The following ACTN4 variants were observed in gnomAD, a reference collection of about 807,000 sequenced individuals.
ACTN4 encodes alpha-actinin-4.
Under a neutral mutation model 114.2 loss-of-function variants are expected in ACTN4, and 18 were observed. The observed-to-expected ratio is 0.16, with a 90% CI of 0.11 to 0.23. The LOEUF (loss-of-function observed/expected upper bound fraction) is 0.23, where lower values mean the gene tolerates loss of function less well. Among genes scored for constraint, ACTN4 ranks in the 10% least tolerant of loss-of-function variants. The probability of loss-of-function intolerance (pLI) is 1.00; values close to 1 mark genes in which losing one functional copy is unlikely to be tolerated. For missense variants in ACTN4, 722 were observed against 1,262.9 expected, an observed-to-expected ratio of 0.57 and a Z score of 6.49; for synonymous variants, 515 against 506.3, an observed-to-expected ratio of 1.02 and a Z score of -0.23.
chr19:38,672,238 C>CTTTTT (rs35567918), intron 1 of ACTN4, among the ~76,000 whole-genome samples: 11 of 113,734 alleles, frequency 9.7e-5, no homozygotes, highest in Admixed American at 3.1e-4. Context: ...ACATGTGGTT[C>CTTTTT]TTTTTTTTTT....
intron 1 of ACTN4, among the ~76,000 whole-genome samples, chr19:38,674,420 G>A (rs906921778): frequency 2.6e-5 from 4 of 152,090 alleles, no homozygotes; most frequent in African/African-American, 9.7e-5. Flanking sequence ...TATTTATTGC[G>A]TGCTAGTCAC....
chr19:38,730,666 T>G lies in ACTN4; in HGVS notation c.*1234T>G. ...TCATCTGCTCGAGAAGGGCTGTCGC[T>G]GTTCTTGTTTCTGAGTGAGGAGTAC... On this transcript the variant is annotated 3_prime_UTR_variant, in exon 21 of 21. Coordinates refer to ENST00000252699, the MANE Select transcript of ACTN4 (RefSeq NM_004924.6). 1 of 667,958 alleles carries G rather than the reference T, an allele frequency of 1.5e-6. No individual in the cohort carries two copies. 41.4% of individuals were successfully genotyped at this position (667,958 alleles called of 1,614,324 possible). A position where few individuals can be genotyped will look rare whatever the true frequency, so the allele number is the denominator to read the frequency against.
chr19:38,689,787 C>T (rs1380652900), intron 1 of ACTN4, among the ~76,000 whole-genome samples: 7 of 152,190 alleles, frequency 4.6e-5, no homozygotes, highest in Non-Finnish European at 8.8e-5. Context: ...GATTCTCCTG[C>T]CTCAGTCTCC....
chr19:38,709,933 C>T (rs1254893155), intron 7 of ACTN4, among the ~76,000 whole-genome samples: 3 of 152,202 alleles, frequency 2.0e-5, no homozygotes, highest in Non-Finnish European at 4.4e-5. Flanking sequence ...TGCACTGCCC[C>T]ATTTCCTAGC....
Position 38,727,538 on chromosome 19 carries a change from A to G in ACTN4, c.2338-408A>G, listed in dbSNP as rs1969278307. On this transcript the variant is annotated intron_variant, in intron 18 of 20. Transcript: ENST00000252699. The surrounding 1 kb of genome is among the most constrained non-coding windows in gnomAD (Gnocchi z 5.4). ...CCACCCCTGCCGGGCTGACGGACTG[A>G]GAAGTGTGCAGCCTCAGCTCTGCAC... 6.6e-6 allele frequency among the ~76,000 whole-genome samples: 1 copy of G among 151,614 alleles called. No individual in the cohort carries two copies. The highest frequency in any genetic ancestry group is 2.1e-4 in the South Asian group (1 of 4,798).
intron 1 of ACTN4, among the ~76,000 whole-genome samples, chr19:38,655,096 A>C (rs1332594693): frequency 6.6e-6 from 1 of 152,114 alleles, no homozygotes; most frequent in Admixed American, 6.5e-5. Flanking sequence ...GTGATTTTCC[A>C]TAACCACTTT....
intron 1 of ACTN4, among the ~76,000 whole-genome samples, chr19:38,673,405 A>G (rs1271808070): frequency 7.0e-6 from 1 of 143,694 alleles, no homozygotes; most frequent in African/African-American, 2.6e-5. Context: ...AAAACCCAAG[A>G]CATACATAGA....
At chr19:38,713,914 T>C (rs1289901650) in intron 8 of ACTN4, among the ~76,000 whole-genome samples, 1 of 152,128 alleles carries the variant, frequency 6.6e-6, no homozygotes, top group East Asian at 1.9e-4. Context: ...ACTCTCACCC[T>C]CCAAAGCCCC....
At chr19:38,708,044 G>A in intron 5 of ACTN4, 73 bp from the exon 6 acceptor site, 1 of 1,447,000 alleles carries the variant, frequency 6.9e-7, no homozygotes, top group South Asian at 1.1e-5. Context: ...CACTGCTGTG[G>A]GTGCACAGGG....
In ACTN4 at chr19:38,717,446, G is replaced by C. The variant is rs906642821; in HGVS notation, c.1143+130G>C. ...CCTGTGGGACATGGCATGGCCTTTC[G>C]GATGCAGTGGTCGGGGAGGGGTGCA... On this transcript the variant is annotated intron_variant, in intron 10 of 20. Coordinates refer to ENST00000252699, the MANE Select transcript of ACTN4 (RefSeq NM_004924.6). The surrounding 1 kb of genome is among the most constrained non-coding windows in gnomAD (Gnocchi z 4.0). 3 of 1,267,756 alleles carry C rather than the reference G, an allele frequency of 2.4e-6. No individual in the cohort carries two copies. The Admixed American group carries it at 6.2e-5, about 26-fold the overall frequency. 78.5% of individuals were successfully genotyped at this position (1,267,756 alleles called of 1,614,324 possible). A position where few individuals can be genotyped will look rare whatever the true frequency, so the allele number is the denominator to read the frequency against.
chr19:38,660,916 G>C (rs1234305129), intron 1 of ACTN4, among the ~76,000 whole-genome samples: 1 of 152,138 alleles, frequency 6.6e-6, no homozygotes, highest in Non-Finnish European at 1.5e-5. Flanking sequence ...GTGCAGTGCA[G>C]GTACTTCAGA....
Position 38,724,430 on chromosome 19 carries a change from G to A in ACTN4, c.1876-1G>A, listed in dbSNP as rs1969162540. ...CTCCCACACCGCGTCTCCTCTGCCAGGTGCAGCAGCTGGTGCCAAAACGGG... is the reference window on the plus strand; with the variant it reads ...CTCCCACACCGCGTCTCCTCTGCCAAGTGCAGCAGCTGGTGCCAAAACGGG... On this transcript the variant is annotated splice_acceptor_variant, in intron 15 of 20. Transcript: ENST00000252699. LOFTEE classifies it high-confidence loss of function. This position sits in a 1 kb window ranked among gnomAD's most constrained non-coding sequence, Gnocchi z 7.0. 1 of 1,613,300 alleles carries A rather than the reference G, an allele frequency of 6.2e-7. No individual in the cohort carries two copies. The highest frequency in any genetic ancestry group is 8.5e-7 in the Non-Finnish European group (1 of 1,179,898).
intron 6 of ACTN4, 81 bp downstream of exon 6, chr19:38,708,276 C>A: frequency 6.8e-7 from 1 of 1,466,778 alleles, no homozygotes; most frequent in Non-Finnish European, 9.5e-7. Context: ...TCCCCATGCC[C>A]TTCCATCGCC....
At chr19:38,677,699 C>T (rs571840812) in intron 1 of ACTN4, among the ~76,000 whole-genome samples, 42 of 152,132 alleles carry the variant, frequency 2.8e-4, no homozygotes, top group Non-Finnish European at 5.4e-4. Context: ...TGCATCAGTC[C>T]CTGCTAGATA....
intron 1 of ACTN4, among the ~76,000 whole-genome samples, chr19:38,664,871 G>T (rs762982061): frequency 6.6e-6 from 1 of 152,136 alleles, no homozygotes; most frequent in Admixed American, 6.5e-5. Flanking sequence ...TGTATTTGAG[G>T]CATGTATTGC....
In ACTN4 at chr19:38,730,860, A is replaced by T. The variant is rs1225443131; in HGVS notation, c.*1428A>T. The T allele has an allele frequency of 1.9e-6, 3 of 1,551,384 alleles. No homozygotes were observed. The highest frequency in any genetic ancestry group is 2.4e-5 in the South Asian group (2 of 84,104). ...GCGCCCATCCGGAGATCCTAGGAGAAGGTGGCCACCTCCATCCACTAAGGA... is the reference window on the plus strand; with the variant it reads ...GCGCCCATCCGGAGATCCTAGGAGATGGTGGCCACCTCCATCCACTAAGGA... On this transcript the variant is annotated 3_prime_UTR_variant, in exon 21 of 21. Transcript: ENST00000252699.
At position 38,659,326 on chromosome 19, in the gene ACTN4, G is replaced by T. The variant is rs139829436; in HGVS notation, c.162+11419G>T. 4.3e-3 allele frequency among the ~76,000 whole-genome samples: 647 copies of T among 151,996 alleles called. 7 individuals carry two copies. The highest frequency in any genetic ancestry group is 7.6e-3 in the Non-Finnish European group (518 of 67,964). On this transcript the variant is annotated intron_variant, in intron 1 of 20. Coordinates refer to ENST00000252699, the MANE Select transcript of ACTN4 (RefSeq NM_004924.6). ...CCCACCTAGGCCTCCCAAAGTGCTG[G>T]GATTACAGGTATGAGCCACCGCGCC...
Position 38,710,168 on chromosome 19 carries a change from C to T in ACTN4, c.734-89C>T, listed in dbSNP as rs564178979. 3.3e-4 allele frequency: 455 copies of T among 1,394,502 alleles called. No individual in the cohort carries two copies. The African/African-American group carries it at 4.1e-3, about 13-fold the overall frequency. The allele number at this position is 1,394,502 out of a possible 1,614,324, so 86.4% of individuals were successfully genotyped here. On this transcript the variant is annotated intron_variant, in intron 7 of 20. Transcript: ENST00000252699. Reference sequence around the variant, plus strand: ...TCTGCAGGTCCCTCTCCCCCAAGGCCGTGGCCTTGGGAGCCCGTGGATCCC... The same window carrying T: ...TCTGCAGGTCCCTCTCCCCCAAGGCTGTGGCCTTGGGAGCCCGTGGATCCC...
chr19:38,663,320 G>T (rs550140581), intron 1 of ACTN4, among the ~76,000 whole-genome samples: 2 of 152,220 alleles, frequency 1.3e-5, no homozygotes, highest in Non-Finnish European at 2.9e-5. Context: ...AGCAGCCCTC[G>T]CTGGGCCCCT....
Sources: allele counts gnomAD v4.1 joint callset (sites outside exome capture counted in the v4.1 genomes callset), GRCh38; gene constraint gnomAD v4.1.1; non-coding constraint Gnocchi (gnomAD v3.1); transcripts MANE v1.5; gene names NCBI Gene and HGNC (gene_info 2026-07-23, HGNC 2026-07-21).